The following SRGAP3 variants were observed in gnomAD, a reference collection of about 807,000 sequenced individuals.
The protein encoded by SRGAP3 is SLIT-ROBO Rho GTPase activating protein 3.
In SRGAP3, 39 loss-of-function variants were observed where a neutral mutation model predicts 121.1. The ratio of observed to expected loss-of-function variants is 0.32; its 90% CI spans 0.25 to 0.42. The LOEUF (loss-of-function observed/expected upper bound fraction) is 0.42. Ranked by LOEUF, SRGAP3 falls within the 10% of genes least tolerant of loss-of-function variation. The pLI is 1.00. For synonymous variants in SRGAP3, 601 were observed against 570.0 expected, an observed-to-expected ratio of 1.05 and a Z score of -0.77; for missense variants, 1,213 against 1,470.6, an observed-to-expected ratio of 0.82 and a Z score of 2.86.
intron 3 of SRGAP3, among the ~76,000 whole-genome samples, chr3:9,312,249 G>A (rs1955260376): frequency 1.3e-5 from 2 of 152,092 alleles, no homozygotes; most frequent in Admixed American, 1.3e-4. Flanking sequence ...CTGCCTCCTG[G>A]GTTCAAGTGA....
intron 7 of SRGAP3, among the ~76,000 whole-genome samples, chr3:9,057,976 G>A (rs943270003): frequency 3.9e-5 from 6 of 152,190 alleles, no homozygotes; most frequent in Non-Finnish European, 8.8e-5. Flanking sequence ...ACATGAGCCT[G>A]TGTGCAGACT....
Position 9,248,882 on chromosome 3 carries a change from C to T in SRGAP3, c.67+3G>A. The T allele has an allele frequency of 6.2e-7, 1 of 1,614,182 alleles. No individual in the cohort carries two copies. Among genetic ancestry groups the T allele is most frequent in the Non-Finnish European group, 8.5e-7 (1 of 1,180,004 alleles). On this transcript the variant is annotated splice_donor_region_variant and intron_variant, in intron 1 of 21. Coordinates refer to ENST00000383836, the MANE Select transcript of SRGAP3 (RefSeq NM_014850.4). ...AGGAAAACTCTCCCAGCCCGCATCT[C>T]ACCTTTTATTTGGGCTTCATATTCA...
intron 1 of SRGAP3, among the ~76,000 whole-genome samples, chr3:9,355,295 G>A (rs1446392169): frequency 6.6e-6 from 1 of 152,192 alleles, no homozygotes; most frequent in Admixed American, 6.5e-5. Flanking sequence ...TTGGACCAAT[G>A]AAATCACCTA....
chr3:9,060,824 G>T (rs1026477924), intron 5 of SRGAP3, among the ~76,000 whole-genome samples: 2 of 152,072 alleles, frequency 1.3e-5, no homozygotes, highest in Non-Finnish European at 2.9e-5. Flanking sequence ...TCTGCTAGAT[G>T]AGTAAGGGCT....
chr3:9,134,035 C>T (rs1949554096), intron 1 of SRGAP3, among the ~76,000 whole-genome samples: 1 of 152,184 alleles, frequency 6.6e-6, no homozygotes, highest in Non-Finnish European at 1.5e-5. Flanking sequence ...GCAGATAAAG[C>T]CAATGCAAAT....
intron 1 of SRGAP3, among the ~76,000 whole-genome samples, chr3:9,353,535 A>C (rs1167527082): frequency 6.6e-6 from 1 of 152,230 alleles, no homozygotes; most frequent in African/African-American, 2.4e-5. Context: ...TGATGGCACT[A>C]AGTCCACCAA....
chr3:9,213,973 G>A (rs997691038), intron 1 of SRGAP3, among the ~76,000 whole-genome samples: 1 of 152,056 alleles, frequency 6.6e-6, no homozygotes, highest in African/African-American at 2.4e-5. Context: ...TTCTCATCAG[G>A]AACCATTCCC....
At chr3:9,357,155 G>C (rs1014067832) in intron 1 of SRGAP3, among the ~76,000 whole-genome samples, 1 of 151,986 alleles carries the variant, frequency 6.6e-6, no homozygotes, top group African/African-American at 2.4e-5. Context: ...TGAGGTGGGA[G>C]AGTCGCTTGA....
At position 8,985,917 on chromosome 3, in the gene SRGAP3, T is replaced by C. The variant is rs777023565; in HGVS notation, c.2902A>G (p.Met968Val). 1.6e-5 allele frequency: 25 copies of C among 1,599,676 alleles called. No individual in the cohort carries two copies. The highest frequency in any genetic ancestry group is 2.2e-5 in the East Asian group (1 of 44,858). Residue 968 changes from methionine to valine, a missense_variant, in exon 22 of 22, where the codon ATG (methionine) becomes GTG (valine). Met to Val is a conservative substitution (Grantham distance 21). Coordinates refer to ENST00000383836, the MANE Select transcript of SRGAP3 (RefSeq NM_014850.4). This position sits in a 1 kb window ranked among gnomAD's most constrained non-coding sequence, Gnocchi z 5.1. ...CGCAACTCGTGCAGAGCCGTGCTCA[T>C]GGTCTTCTCGATGTCCTGGGGACAG... ...EALAEDIEKT[M>V]STALHELREL...
At chr3:9,288,632 G>A (rs1165692599) in intron 3 of SRGAP3, among the ~76,000 whole-genome samples, 1 of 149,894 alleles carries the variant, frequency 6.7e-6, no homozygotes, top group Non-Finnish European at 1.5e-5. Flanking sequence ...CTGGAGTACA[G>A]TGTGTGATCA....
chr3:9,094,554 G>A (rs1367120105), intron 3 of SRGAP3, among the ~76,000 whole-genome samples: 2 of 152,132 alleles, frequency 1.3e-5, no homozygotes, highest in Non-Finnish European at 2.9e-5. Flanking sequence ...CTGCCTGATT[G>A]TTCTCTCAAG....
intron 1 of SRGAP3, among the ~76,000 whole-genome samples, chr3:9,357,790 G>A (rs1331794161): frequency 1.3e-5 from 2 of 152,068 alleles, no homozygotes; most frequent in Admixed American, 1.3e-4. Context: ...AAGTCTAGGA[G>A]GGAAATGATG....
At chr3:9,178,898 C>G (rs994484396) in intron 1 of SRGAP3, among the ~76,000 whole-genome samples, 3 of 152,204 alleles carry the variant, frequency 2.0e-5, no homozygotes, top group African/African-American at 7.2e-5. Context: ...GCTCAGCTAA[C>G]CCTCAGGCCA....
At chr3:9,166,206 T>C (rs979774866) in intron 1 of SRGAP3, among the ~76,000 whole-genome samples, 2 of 152,196 alleles carry the variant, frequency 1.3e-5, no homozygotes, top group Non-Finnish European at 2.9e-5. Context: ...ATCCTTCAGT[T>C]AATCCTTCCC....
chr3:9,165,484 C>G (rs1234392355), intron 1 of SRGAP3, among the ~76,000 whole-genome samples: 1 of 152,240 alleles, frequency 6.6e-6, no homozygotes, highest in Non-Finnish European at 1.5e-5. Flanking sequence ...CGATTCCTTT[C>G]TGATCTTTCT....
chr3:9,250,425 T>C (rs1252138936), upstream of SRGAP3, among the ~76,000 whole-genome samples: 1 of 152,210 alleles, frequency 6.6e-6, no homozygotes, highest in South Asian at 2.1e-4. Flanking sequence ...GTAGAAAGCA[T>C]TGTGAATGGT....
At chr3:9,258,078 G>C (rs1342837361) in intron 3 of SRGAP3, among the ~76,000 whole-genome samples, 2 of 152,146 alleles carry the variant, frequency 1.3e-5, no homozygotes, top group African/African-American at 4.8e-5. Context: ...GACAGAGATA[G>C]TTCCTACTGT....
chr3:9,056,446 C>T (rs1184780304), intron 7 of SRGAP3, 112 bp from the exon 8 acceptor site: 4 of 1,174,260 alleles, frequency 3.4e-6, no homozygotes, highest in African/African-American at 1.5e-5. Flanking sequence ...AACAGGGGCT[C>T]GGAAAGGTTG....
chr3:8,998,398 G>C (rs537621734), intron 18 of SRGAP3, among the ~76,000 whole-genome samples: 6 of 152,052 alleles, frequency 3.9e-5, no homozygotes, highest in African/African-American at 4.8e-5. Context: ...TTTCCCAGCC[G>C]CTCCCAACTG....
Sources: gnomAD v4.1 joint callset for allele counts (sites outside exome capture counted in the v4.1 genomes callset) on GRCh38, gnomAD v4.1.1 for gene constraint, Gnocchi (gnomAD v3.1) non-coding constraint, MANE v1.5 for transcripts, NCBI Gene and HGNC (gene_info 2026-07-23, HGNC 2026-07-21) for gene names.